RBM47: variants seen among roughly 807,000 people sequenced by gnomAD.
The protein encoded by RBM47 is RNA binding motif protein 47.
Under a neutral mutation model 47.1 loss-of-function variants are expected in RBM47, and 21 were observed. The observed-to-expected ratio is 0.45, with a 90% CI of 0.32 to 0.64. RBM47 has a LOEUF of 0.64. Among genes scored for constraint, RBM47 ranks in the 30% least tolerant of loss-of-function variants. The probability of loss-of-function intolerance (pLI) is 0.05; values close to 1 mark genes in which losing one functional copy is unlikely to be tolerated. For missense variants in RBM47, 708 were observed against 870.9 expected, an observed-to-expected ratio of 0.81 and a Z score of 2.35; for synonymous variants, 375 against 361.7, an observed-to-expected ratio of 1.04 and a Z score of -0.42.
At chr4:40,429,621 G>A (rs949680123) in intron 6 of RBM47, among the ~76,000 whole-genome samples, 13 of 145,916 alleles carry the variant, frequency 8.9e-5, no homozygotes, top group Non-Finnish European at 1.3e-4. Flanking sequence ...CCCTGGAAGC[G>A]GAAGTTGCAG....
chr4:40,467,862 T>C (rs1248493573), intron 2 of RBM47, among the ~76,000 whole-genome samples: 2 of 152,184 alleles, frequency 1.3e-5, no homozygotes, highest in Non-Finnish European at 2.9e-5. Context: ...CCAAATAACT[T>C]ATACAAGATT....
chr4:40,533,745 T>G (rs552378059), intron 2 of RBM47, among the ~76,000 whole-genome samples: 1 of 152,126 alleles, frequency 6.6e-6, no homozygotes, highest in African/African-American at 2.4e-5. Context: ...AAATGATCCT[T>G]GCATCCTAGA....
At position 40,629,845 on chromosome 4, in the gene RBM47, G is replaced by C. The variant is rs745415026; in HGVS notation, c.-689C>G. 1 of 152,180 alleles carries C rather than the reference G, an allele frequency of 6.6e-6. No individual in the cohort carries two copies. Among genetic ancestry groups the C allele is most frequent in the Admixed American group, 6.5e-5 (1 of 15,290 alleles). 9.4% of individuals were successfully genotyped at this position (152,180 alleles called of 1,614,324 possible). A position where few individuals can be genotyped will look rare whatever the true frequency, so the allele number is the denominator to read the frequency against. ...CGGCTGCGTGGGGCGCTGCGCACGG[G>C]AGCGCTCAGCGTCTAGTCTGCGGGC... On this transcript the variant is annotated 5_prime_UTR_variant, in exon 1 of 7. Coordinates refer to ENST00000295971, the MANE Select transcript of RBM47 (RefSeq NM_001098634.2).
chr4:40,435,646 A>T (rs1712215484), intron 5 of RBM47, among the ~76,000 whole-genome samples: 1 of 152,240 alleles, frequency 6.6e-6, no homozygotes. Context: ...CCTGAAGGGG[A>T]ATTTTCTGCC....
At position 40,628,673 on chromosome 4, in the gene RBM47, G is replaced by A. The variant is rs1227673400; in HGVS notation, c.-240+723C>T. The stretch of plus-strand genomic sequence containing the variant: ...AAAATACCACCAGATAAAAAAAAAA[G>A]GTTTGATTTTTAGTTCAGGTCGGTA... On this transcript the variant is annotated intron_variant, in intron 1 of 6. Transcript: ENST00000295971. The surrounding 1 kb of genome is among the most constrained non-coding windows in gnomAD (Gnocchi z 4.0). Among the ~76,000 whole-genome samples the A allele has an allele frequency of 1.3e-5, 2 of 151,944 alleles. No homozygotes were observed. The highest frequency in any genetic ancestry group is 4.8e-5 in the African/African-American group (2 of 41,304).
chr4:40,493,674 C>T (rs1722198958), intron 2 of RBM47, among the ~76,000 whole-genome samples: 2 of 151,398 alleles, frequency 1.3e-5, no homozygotes, highest in African/African-American at 4.9e-5. Flanking sequence ...ATCCCAGCTA[C>T]TTGGGAGGCT....
At chr4:40,554,942 G>A (rs1729935468) in intron 1 of RBM47, among the ~76,000 whole-genome samples, 1 of 151,504 alleles carries the variant, frequency 6.6e-6, no homozygotes, top group South Asian at 2.1e-4. Flanking sequence ...TTGGTTTTTT[G>A]TTTTGTTTTT....
chr4:40,492,458 A>T (rs1213200216), intron 2 of RBM47, among the ~76,000 whole-genome samples: 2 of 152,222 alleles, frequency 1.3e-5, no homozygotes, highest in African/African-American at 4.8e-5. Context: ...CCTCCACTTC[A>T]GAAGGGCACA....
chr4:40,514,008 C>T (rs537284266), intron 2 of RBM47, among the ~76,000 whole-genome samples: 4 of 152,026 alleles, frequency 2.6e-5, no homozygotes, highest in Non-Finnish European at 5.9e-5. Flanking sequence ...TGTGAGCCAC[C>T]GCACCCAGCC....
intron 2 of RBM47, among the ~76,000 whole-genome samples, chr4:40,474,770 G>C (rs971082173): frequency 2.0e-5 from 3 of 152,110 alleles, no homozygotes; most frequent in African/African-American, 7.2e-5. Context: ...ACTTTTCTTT[G>C]AACCCAAACT....
intron 1 of RBM47, among the ~76,000 whole-genome samples, chr4:40,619,811 C>A (rs1466073553): frequency 1.3e-5 from 2 of 152,202 alleles, no homozygotes; most frequent in African/African-American, 4.8e-5. Flanking sequence ...CTCCACCCAA[C>A]AAAGAAAGTC....
At position 40,575,963 on chromosome 4, in the gene RBM47, C is replaced by T. The variant is rs562512911; in HGVS notation, c.-239-31457G>A. 4.6e-5 allele frequency among the ~76,000 whole-genome samples: 7 copies of T among 152,336 alleles called. No individual in the cohort carries two copies. The South Asian group carries it at 1.2e-3, about 27-fold the overall frequency. On this transcript the variant is annotated intron_variant, in intron 1 of 6. Coordinates refer to ENST00000295971, the MANE Select transcript of RBM47 (RefSeq NM_001098634.2). ...AGAGGAAGCCCAGAAGAAATGGGGG[C>T]CTGCCAGTGCTGGTGGCCAGGAGGG...
chr4:40,600,690 A>C (rs1735185923), intron 1 of RBM47, among the ~76,000 whole-genome samples: 1 of 148,588 alleles, frequency 6.7e-6, no homozygotes, highest in African/African-American at 2.5e-5. Flanking sequence ...ACAAGAAAGA[A>C]GATTTCAAGG....
chr4:40,438,945 G>C (rs938759171), intron 3 of RBM47, 21 bp from the exon 4 acceptor site: 2 of 1,476,362 alleles, frequency 1.4e-6, no homozygotes, highest in Non-Finnish European at 1.8e-6. Flanking sequence ...AGAAAGAAGC[G>C]TGAGTGGGGA....
At chr4:40,498,436 C>T (rs1057171809) in intron 2 of RBM47, among the ~76,000 whole-genome samples, 2 of 152,052 alleles carry the variant, frequency 1.3e-5, no homozygotes, top group African/African-American at 4.8e-5. Flanking sequence ...GTGGCTCACG[C>T]CTGTAATCCC....
intron 2 of RBM47, among the ~76,000 whole-genome samples, chr4:40,535,164 C>A (rs914298510): frequency 6.6e-6 from 1 of 152,036 alleles, no homozygotes; most frequent in South Asian, 2.1e-4. Flanking sequence ...TTCCTTATGC[C>A]TGGCATATAG....
chr4:40,582,780 C>T (rs963033962), intron 1 of RBM47, among the ~76,000 whole-genome samples: 12 of 152,152 alleles, frequency 7.9e-5, no homozygotes, highest in African/African-American at 1.9e-4. Context: ...CTACTCTCAA[C>T]GCCTAGTCAG....
At chr4:40,612,879 T>A (rs1387803778) in intron 1 of RBM47, among the ~76,000 whole-genome samples, 1 of 152,246 alleles carries the variant, frequency 6.6e-6, no homozygotes, top group Non-Finnish European at 1.5e-5. Context: ...TTTGTTTCAT[T>A]TCCTTTGGTT....
intron 3 of RBM47, among the ~76,000 whole-genome samples, chr4:40,461,290 G>C (rs140324392): frequency 1.3e-5 from 2 of 152,130 alleles, no homozygotes; most frequent in African/African-American, 4.8e-5. Flanking sequence ...CAGTAAAAAC[G>C]CCCAGATTTG....
Sources: allele counts gnomAD v4.1 joint callset (sites outside exome capture counted in the v4.1 genomes callset), GRCh38; gene constraint gnomAD v4.1.1; non-coding constraint Gnocchi (gnomAD v3.1); transcripts MANE v1.5; gene names NCBI Gene and HGNC (gene_info 2026-07-23, HGNC 2026-07-21).